AUH: variants seen among roughly 807,000 people sequenced by gnomAD.
AUH encodes the protein methylglutaconyl-CoA hydratase, mitochondrial.
In AUH, 29 loss-of-function variants were observed where a neutral mutation model predicts 42.3. That is an observed-to-expected ratio of 0.69 (90% CI 0.51 to 0.93). The LOEUF is 0.93. Among genes scored for constraint, AUH ranks in the 40% least tolerant of loss-of-function variants. The pLI is 0.00. For synonymous variants in AUH, 174 were observed against 166.4 expected (o/e 1.05, Z -0.35); for missense variants, 452 against 438.1 (o/e 1.03, Z -0.28).
intron 6 of AUH, among the ~76,000 whole-genome samples, chr9:91,283,945 G>A (rs1826187527): frequency 6.7e-6 from 1 of 149,352 alleles, no homozygotes. Flanking sequence ...TTTCTCCACA[G>A]AATTAGAAAA....
chr9:91,248,641 T>C (rs772833018), intron 6 of AUH, among the ~76,000 whole-genome samples: 5 of 152,200 alleles, frequency 3.3e-5, no homozygotes, highest in Non-Finnish European at 5.9e-5. Context: ...GTCCTCACTG[T>C]TTCATATCAA....
intron 6 of AUH, among the ~76,000 whole-genome samples, chr9:91,293,312 C>T (rs1272885091): frequency 6.6e-6 from 1 of 152,248 alleles, no homozygotes; most frequent in Non-Finnish European, 1.5e-5. Context: ...CTGAGATCAG[C>T]CAAAAGCTAG....
chr9:91,345,741 G>C (rs1364518146), intron 3 of AUH, among the ~76,000 whole-genome samples: 1 of 150,540 alleles, frequency 6.6e-6, no homozygotes, highest in Non-Finnish European at 1.5e-5. Context: ...GCTGAGGCAG[G>C]AGAATGGTGT....
intron 3 of AUH, among the ~76,000 whole-genome samples, chr9:91,351,742 T>C (rs1057007347): frequency 2.4e-4 from 37 of 152,180 alleles, no homozygotes; most frequent in Non-Finnish European, 1.0e-4. Flanking sequence ...GAACTACGCA[T>C]GCGAGGGATC....
intron 6 of AUH, among the ~76,000 whole-genome samples, chr9:91,246,086 A>C (rs1185808013): frequency 6.6e-6 from 1 of 151,126 alleles, no homozygotes; most frequent in African/African-American, 2.4e-5. Flanking sequence ...GATATTTACA[A>C]AGCTGAATCA....
At chr9:91,221,898 G>A (rs886885823) in intron 6 of AUH, among the ~76,000 whole-genome samples, 3 of 152,168 alleles carry the variant, frequency 2.0e-5, no homozygotes, top group Non-Finnish European at 4.4e-5. Flanking sequence ...GCAAAAGCAG[G>A]TAACACAGGT....
intron 6 of AUH, among the ~76,000 whole-genome samples, chr9:91,266,295 G>A (rs557063133): frequency 6.6e-6 from 1 of 152,186 alleles, no homozygotes; most frequent in African/African-American, 2.4e-5. Flanking sequence ...CTGGGAGGCA[G>A]AGGTTGCAGT....
intron 6 of AUH, among the ~76,000 whole-genome samples, chr9:91,262,661 G>T (rs1829763238): frequency 6.8e-6 from 1 of 146,722 alleles, no homozygotes; most frequent in African/African-American, 2.5e-5. Context: ...ATCCATTACG[G>T]TAACACTAAA....
At chr9:91,299,422 C>T (rs939162324) in intron 4 of AUH, among the ~76,000 whole-genome samples, 2 of 152,068 alleles carry the variant, frequency 1.3e-5, no homozygotes, top group African/African-American at 4.8e-5. Flanking sequence ...CAGGAAGGAG[C>T]ACATATACAC....
intron 3 of AUH, among the ~76,000 whole-genome samples, 162 bp from the exon 4 acceptor site, chr9:91,325,566 A>G (rs1240201854): frequency 6.6e-6 from 1 of 152,206 alleles, no homozygotes; most frequent in Non-Finnish European, 1.5e-5. Flanking sequence ...GACCATGTTC[A>G]ACAAGAATAA....
chr9:91,359,389 G>T (rs1222913916), intron 1 of AUH, among the ~76,000 whole-genome samples: 1 of 151,980 alleles, frequency 6.6e-6, no homozygotes, highest in Non-Finnish European at 1.5e-5. Flanking sequence ...TTACCATTTG[G>T]CTTGTTGTTG....
At chr9:91,344,896 T>C (rs985101412) in intron 3 of AUH, among the ~76,000 whole-genome samples, 4 of 152,104 alleles carry the variant, frequency 2.6e-5, no homozygotes, top group African/African-American at 9.7e-5. Context: ...GAATACACAA[T>C]TGTTAATAAT....
chr9:91,341,767 CAATA>C (rs1831122310), intron 3 of AUH, among the ~76,000 whole-genome samples: 1 of 152,068 alleles, frequency 6.6e-6, no homozygotes, highest in Admixed American at 6.5e-5. Context: ...GACTGATAAT[CAATA>C]AGTAAAAAAT....
intron 6 of AUH, among the ~76,000 whole-genome samples, chr9:91,289,268 A>C (rs1260773493): frequency 6.6e-6 from 1 of 152,214 alleles, no homozygotes; most frequent in African/African-American, 2.4e-5. Context: ...ACCCAAAGAT[A>C]TTTACTTTCT....
intron 4 of AUH, among the ~76,000 whole-genome samples, chr9:91,315,973 T>C (rs754297192): frequency 3.3e-5 from 5 of 152,224 alleles, no homozygotes; most frequent in Non-Finnish European, 7.3e-5. Context: ...CAAATCAACA[T>C]TGTGTTTCAA....
rs61758733 is a variant in AUH at position 91,296,054 on chromosome 9, C to T, written c.622G>A (p.Val208Ile). Residue 208 changes from valine to isoleucine, a missense_variant, in exon 6 of 10, where the codon GTT becomes ATT. By Grantham distance (29) the Val-to-Ile change is conservative. Coordinates refer to ENST00000375731, the MANE Select transcript of AUH (RefSeq NM_001698.3). ...VAASSAKMGLVETKLAIIPGG... is the reference protein window; with the variant it reads ...VAASSAKMGLIETKLAIIPGG... ...GGAATAATCGCCAATTTTGTTTCAA[C>T]CAGGCCCATTTTTGCAGAGGAAGCT... 1.2e-6 allele frequency: 2 copies of T among 1,613,926 alleles called. No homozygotes were observed. The highest frequency in any genetic ancestry group is 1.7e-6 in the Non-Finnish European group (2 of 1,179,984).
chr9:91,221,746 T>G (rs1227372709), intron 6 of AUH, among the ~76,000 whole-genome samples: 7 of 152,198 alleles, frequency 4.6e-5, no homozygotes, highest in African/African-American at 1.7e-4. Flanking sequence ...TTAGCATGAT[T>G]TAGGGTAAAT....
chr9:91,324,614 T>C (rs947009175), intron 4 of AUH, among the ~76,000 whole-genome samples: 4 of 141,896 alleles, frequency 2.8e-5, no homozygotes, highest in African/African-American at 1.0e-4. Flanking sequence ...TTTGGGGCAA[T>C]ACAAATTAAA....
At chr9:91,256,333 G>A (rs1053798731) in intron 6 of AUH, among the ~76,000 whole-genome samples, 2 of 152,058 alleles carry the variant, frequency 1.3e-5, no homozygotes, top group African/African-American at 2.4e-5. Context: ...CCCACAATCT[G>A]GAGACTGAGA....
Sources: gnomAD v4.1 joint callset for allele counts (sites outside exome capture counted in the v4.1 genomes callset) on GRCh38, gnomAD v4.1.1 for gene constraint, MANE v1.5 for transcripts, NCBI Gene and HGNC (gene_info 2026-07-23, HGNC 2026-07-21) for gene names.